Variants in SDK1 observed in about 807,000 individuals in gnomAD.
SDK1 encodes the protein sidekick cell adhesion molecule 1.
SDK1 carries 157 observed loss-of-function variants against 245.5 expected under a neutral mutation model. That is an observed-to-expected ratio of 0.64 (90% CI 0.56 to 0.73). The LOEUF is 0.73. SDK1 is among the 30% of genes least tolerant of loss of function. The probability of loss-of-function intolerance (pLI) is 0.00; values close to 1 mark genes in which losing one functional copy is unlikely to be tolerated. For synonymous variants in SDK1, 1,647 were observed against 1,278.5 expected (o/e 1.29, Z -6.15); for missense variants, 3,583 against 3,002.3 (o/e 1.19, Z -4.52).
At chr7:3,759,193 G>A (rs1780022925) in intron 4 of SDK1, among the ~76,000 whole-genome samples, 2 of 152,090 alleles carry the variant, frequency 1.3e-5, no homozygotes, top group Admixed American at 6.6e-5. Flanking sequence ...GTTTCCCAAG[G>A]GGTTTGGATC....
At chr7:4,100,140 G>A (rs1398163180) in intron 22 of SDK1, among the ~76,000 whole-genome samples, 1 of 152,160 alleles carries the variant, frequency 6.6e-6, no homozygotes, top group Non-Finnish European at 1.5e-5. Context: ...ATATTAGCAG[G>A]GAATCACCCA....
chr7:4,090,511 G>A (rs1252955093), intron 22 of SDK1, among the ~76,000 whole-genome samples: 1 of 152,114 alleles, frequency 6.6e-6, no homozygotes, highest in Non-Finnish European at 1.5e-5. Context: ...TAATTTTGAT[G>A]CTCAAACTTC....
chr7:3,537,043 C>G (rs540235247), intron 1 of SDK1, among the ~76,000 whole-genome samples: 2 of 152,296 alleles, frequency 1.3e-5, no homozygotes, highest in African/African-American at 4.8e-5. Flanking sequence ...ACTATACCCT[C>G]TGAGTCTTTT....
chr7:3,322,825 T>G (rs1368007701), intron 1 of SDK1, among the ~76,000 whole-genome samples: 1 of 152,062 alleles, frequency 6.6e-6, no homozygotes, highest in African/African-American at 2.4e-5. Context: ...CCCCCACCCA[T>G]AAGACCTTGT....
At chr7:3,450,087 T>C (rs1282837231) in intron 1 of SDK1, among the ~76,000 whole-genome samples, 1 of 152,200 alleles carries the variant, frequency 6.6e-6, no homozygotes, top group Non-Finnish European at 1.5e-5. Context: ...AGCTTTCAAC[T>C]AGGGGTGAAT....
In SDK1 at chr7:4,205,871, T is replaced by G. The variant is rs1191833115; in HGVS notation, c.5099-8T>G. ...TCTCAGCTTCTCTCCGCATTGCTCT[T>G]TCCTCAGCCCCGGCCATGGCCCCGC... On this transcript the variant is annotated splice_region_variant and splice_polypyrimidine_tract_variant and intron_variant, in intron 35 of 44. Transcript: ENST00000404826. 6.4e-7 allele frequency: 1 copy of G among 1,551,024 alleles called. No homozygotes were observed. The highest frequency in any genetic ancestry group is 2.4e-5 in the East Asian group (1 of 40,980).
chr7:3,788,011 T>G (rs577215020), intron 4 of SDK1, among the ~76,000 whole-genome samples: 1 of 152,236 alleles, frequency 6.6e-6, no homozygotes. Context: ...GAGGGCAGGC[T>G]CTTGGAAGTG....
chr7:4,153,047 G>A (rs949918779), intron 30 of SDK1, among the ~76,000 whole-genome samples: 1 of 152,088 alleles, frequency 6.6e-6, no homozygotes, highest in African/African-American at 2.4e-5. Context: ...ACAGAGCAGT[G>A]GCTGTGCGGG....
At chr7:4,240,602 G>C (rs1242218316) in intron 42 of SDK1, among the ~76,000 whole-genome samples, 2 of 152,130 alleles carry the variant, frequency 1.3e-5, no homozygotes, top group African/African-American at 2.4e-5. Flanking sequence ...AGCCTCTTGG[G>C]GTTTAGAAAT....
At chr7:3,610,992 A>G (rs1340499164) in intron 1 of SDK1, among the ~76,000 whole-genome samples, 6 of 152,238 alleles carry the variant, frequency 3.9e-5, no homozygotes, top group Non-Finnish European at 8.8e-5. Context: ...ACGCAGCACA[A>G]TCTTTGACTT....
At chr7:3,452,367 A>G (rs1206162143) in intron 1 of SDK1, among the ~76,000 whole-genome samples, 1 of 152,212 alleles carries the variant, frequency 6.6e-6, no homozygotes, top group African/African-American at 2.4e-5. Context: ...AGAAACTGAC[A>G]GGTTGTGAGT....
chr7:3,931,194 T>G (rs115202182), intron 5 of SDK1, among the ~76,000 whole-genome samples: 1 of 152,200 alleles, frequency 6.6e-6, no homozygotes, highest in Admixed American at 6.5e-5. Flanking sequence ...TTTTAATTTT[T>G]TCATGTCTTA....
At chr7:4,006,045 T>G (rs1178951659) in intron 14 of SDK1, among the ~76,000 whole-genome samples, 4 of 152,152 alleles carry the variant, frequency 2.6e-5, no homozygotes, top group Admixed American at 2.6e-4. Flanking sequence ...CCAGCCTGGA[T>G]GACAAAGCGG....
chr7:3,952,704 A>G lies in SDK1; in HGVS notation c.1150+784A>G, dbSNP rs188914557. On this transcript the variant is annotated intron_variant, in intron 7 of 44. Transcript: ENST00000404826. ...CCTTTTGTTAAACTTAAAAAAAAAA[A>G]GAGAACAGAGATGCTTCCTCAAACT... 3.6e-3 allele frequency among the ~76,000 whole-genome samples: 545 copies of G among 152,146 alleles called. 2 individuals are homozygous for G. The highest frequency in any genetic ancestry group is 0.012 in the African/African-American group (513 of 41,526).
At chr7:3,401,422 T>C (rs970967238) in intron 1 of SDK1, among the ~76,000 whole-genome samples, 1 of 152,192 alleles carries the variant, frequency 6.6e-6, no homozygotes, top group East Asian at 1.9e-4. Context: ...TAATATATTT[T>C]ATTCAAAGAC....
chr7:3,370,622 A>G (rs1034654732), intron 1 of SDK1, among the ~76,000 whole-genome samples: 2 of 152,228 alleles, frequency 1.3e-5, no homozygotes, highest in Admixed American at 6.5e-5. Context: ...CAGTTGTGCT[A>G]TAAAGCAAAT....
At chr7:3,330,807 TAA>T (rs35013618) in intron 1 of SDK1, among the ~76,000 whole-genome samples, 15 of 115,334 alleles carry the variant, frequency 1.3e-4, no homozygotes, top group South Asian at 3.1e-4. Context: ...CCATTTCGCT[TAA>T]AAAAAAAAAA....
intron 44 of SDK1, among the ~76,000 whole-genome samples, chr7:4,261,821 A>AGCGTTAG (rs2128244077): frequency 6.6e-6 from 1 of 152,042 alleles, no homozygotes; most frequent in Admixed American, 6.6e-5. Context: ...GAAGCGTCTT[A>AGCGTTAG]GCGTTAGTTC....
chr7:3,345,231 C>T lies in SDK1; in HGVS notation c.298+43347C>T, dbSNP rs185644902. Among the ~76,000 whole-genome samples, 634 of 152,240 alleles carry T rather than the reference C, an allele frequency of 4.2e-3. 7 individuals are homozygous for T. Among genetic ancestry groups the T allele is most frequent in the South Asian group, 0.018 (87 of 4,828 alleles). On this transcript the variant is annotated intron_variant, in intron 1 of 44. Coordinates refer to ENST00000404826, the MANE Select transcript of SDK1 (RefSeq NM_152744.4). ...GGATTTTATAGTGAAAATGCTTATGCTGATACCTATTTCCTGGTTTCTCTG... is the reference window on the plus strand; with the variant it reads ...GGATTTTATAGTGAAAATGCTTATGTTGATACCTATTTCCTGGTTTCTCTG...
Sources: allele counts gnomAD v4.1 joint callset (sites outside exome capture counted in the v4.1 genomes callset), GRCh38; gene constraint gnomAD v4.1.1; transcripts MANE v1.5; gene names NCBI Gene and HGNC (gene_info 2026-07-23, HGNC 2026-07-21).